MOSMO: variants seen among roughly 807,000 people sequenced by gnomAD.
MOSMO encodes modulator of smoothened.
In MOSMO, 5 loss-of-function variants were observed where a neutral mutation model predicts 18.4. The ratio of observed to expected loss-of-function variants is 0.27; its 90% CI spans 0.14 to 0.57. The LOEUF is 0.57. MOSMO is among the 20% of genes least tolerant of loss of function. The pLI is 0.92. For missense variants in MOSMO, 138 were observed against 211.8 expected (o/e 0.65, Z 2.16); for synonymous variants, 82 against 82.3 (o/e 1.00, Z 0.02).
chr16:22,069,751 G>C (rs150428006), intron 1 of MOSMO, among the ~76,000 whole-genome samples: 1,741 of 152,286 alleles, frequency 0.011, 18 homozygotes, highest in Non-Finnish European at 0.02. Flanking sequence ...TCTGGGAAGT[G>C]AAGGCAGCAG....
chr16:22,011,454 A>T (rs1457206259), intron 1 of MOSMO, among the ~76,000 whole-genome samples: 1 of 152,222 alleles, frequency 6.6e-6, no homozygotes, highest in Non-Finnish European at 1.5e-5. Flanking sequence ...TGTCAGCTGG[A>T]TAAAGAGTGA....
intron 1 of MOSMO, among the ~76,000 whole-genome samples, chr16:22,034,261 A>C (rs1354040872): frequency 2.6e-5 from 4 of 152,364 alleles, no homozygotes; most frequent in Non-Finnish European, 5.9e-5. Context: ...GTTAGGAATA[A>C]GAAAAAGATT....
At chr16:22,070,327 G>A (rs886767151) in intron 1 of MOSMO, among the ~76,000 whole-genome samples, 1 of 152,198 alleles carries the variant, frequency 6.6e-6, no homozygotes, top group Non-Finnish European at 1.5e-5. Context: ...GCATTCCACA[G>A]CCTGAAGGTT....
At chr16:22,076,089 G>T in intron 2 of MOSMO, 1 of 175,542 alleles carries the variant, frequency 5.7e-6, no homozygotes. Context: ...GATGAAGGTG[G>T]AAATATTTTT....
At chr16:22,042,755 A>G (rs559785389) in intron 1 of MOSMO, among the ~76,000 whole-genome samples, 1 of 152,368 alleles carries the variant, frequency 6.6e-6, no homozygotes, top group Non-Finnish European at 1.5e-5. Flanking sequence ...AGTTTTCTCC[A>G]GGCTCGCAAA....
chr16:22,049,609 GCA>G (rs1406230627), intron 1 of MOSMO, among the ~76,000 whole-genome samples: 1 of 151,996 alleles, frequency 6.6e-6, no homozygotes, highest in African/African-American at 2.4e-5. Context: ...CATGTGTATT[GCA>G]CAGAGGTTAT....
rs1901112034 is a variant in MOSMO, at chr16:22,083,103, A to G, written c.*2223A>G. On this transcript the variant is annotated 3_prime_UTR_variant, in exon 3 of 3. Transcript: ENST00000542527. Reference sequence around the variant, plus strand: ...AGTATGGTTCAAATTAACTTATGACATGACCAAGAGCTTTTCTCTTCCAAA... The same window carrying G: ...AGTATGGTTCAAATTAACTTATGACGTGACCAAGAGCTTTTCTCTTCCAAA... The G allele has an allele frequency of 6.6e-6, 1 of 152,408 alleles. No homozygotes were observed. Among genetic ancestry groups the G allele is most frequent in the Non-Finnish European group, 1.5e-5 (1 of 68,062 alleles). The allele number at this position is 152,408 out of a possible 1,614,324, so 9.4% of individuals were successfully genotyped here. A position where few individuals can be genotyped will look rare whatever the true frequency, so the allele number is the denominator to read the frequency against.
chr16:22,059,502 A>G (rs1415491033), intron 1 of MOSMO, among the ~76,000 whole-genome samples: 2 of 152,158 alleles, frequency 1.3e-5, no homozygotes, highest in Non-Finnish European at 2.9e-5. Flanking sequence ...AATACCTGAG[A>G]CTGGGTAATT....
At chr16:22,060,102 A>G (rs1005701467) in intron 1 of MOSMO, among the ~76,000 whole-genome samples, 1 of 152,202 alleles carries the variant, frequency 6.6e-6, no homozygotes, top group Non-Finnish European at 1.5e-5. Flanking sequence ...GCTTGATCCC[A>G]GGAGGCTGGG....
At chr16:22,024,739 G>T (rs900211477) in intron 1 of MOSMO, among the ~76,000 whole-genome samples, 17 of 152,072 alleles carry the variant, frequency 1.1e-4, no homozygotes, top group African/African-American at 4.1e-4. Flanking sequence ...AACCAGAAAA[G>T]GTTTAAGTTT....
At chr16:22,091,710 T>C (rs997860495), downstream of MOSMO, among the ~76,000 whole-genome samples, 18 of 152,126 alleles carry the variant, frequency 1.2e-4, no homozygotes, top group African/African-American at 4.3e-4. Flanking sequence ...CTGATAAAAC[T>C]TACAAGTTTA....
chr16:22,028,835 A>G (rs996929857), intron 1 of MOSMO, among the ~76,000 whole-genome samples: 1 of 152,132 alleles, frequency 6.6e-6, no homozygotes, highest in Non-Finnish European at 1.5e-5. Flanking sequence ...GTATATTGTC[A>G]GAGCATTATT....
intron 1 of MOSMO, among the ~76,000 whole-genome samples, chr16:22,050,685 T>C (rs952300077): frequency 6.6e-6 from 1 of 151,734 alleles, no homozygotes; most frequent in Admixed American, 6.6e-5. Flanking sequence ...AGGCCAGGGG[T>C]TTGAAATCAT....
chr16:22,064,587 CTTAAT>C, intron 1 of MOSMO: 1 of 368,618 alleles, frequency 2.7e-6, no homozygotes, highest in Non-Finnish European at 5.4e-6. Flanking sequence ...TTGGCATACT[CTTAAT>C]TTCTTTTAGA....
intron 1 of MOSMO, chr16:22,064,373 C>T (rs1199178203): frequency 6.6e-6 from 3 of 456,440 alleles, no homozygotes; most frequent in Non-Finnish European, 1.3e-5. Context: ...GTGTACAAAC[C>T]ATGGAGGTTA....
In MOSMO at chr16:22,083,475, C is replaced by T; in HGVS notation, c.*2595C>T. 1 of 299,476 alleles carries T rather than the reference C, an allele frequency of 3.3e-6. No individual in the cohort carries two copies. Among genetic ancestry groups the T allele is most frequent in the South Asian group, 2.9e-5 (1 of 33,940 alleles). 18.6% of individuals were successfully genotyped at this position (299,476 alleles called of 1,614,324 possible). The stretch of plus-strand genomic sequence containing the variant: ...TGCAGACCAGACATTGAAATGGATT[C>T]ATTCATATAGATTTCTATAAATCCT... On this transcript the variant is annotated 3_prime_UTR_variant, in exon 3 of 3. Transcript: ENST00000542527.
chr16:22,026,965 G>A (rs1165350289), intron 1 of MOSMO, among the ~76,000 whole-genome samples: 2 of 152,072 alleles, frequency 1.3e-5, no homozygotes, highest in Non-Finnish European at 2.9e-5. Context: ...TGAATTAACA[G>A]AATCAAAGTG....
chr16:22,080,027 G>A (rs776073611), intron 2 of MOSMO, among the ~76,000 whole-genome samples: 7 of 152,128 alleles, frequency 4.6e-5, no homozygotes, highest in Non-Finnish European at 2.9e-5. Context: ...CAGGTTATCC[G>A]CCCGCCTCGG....
Position 22,082,770 on chromosome 16 carries a change from G to A in MOSMO, c.*1890G>A, listed in dbSNP as rs1161183384. ...TTTTATTGTGAAAGAAAACCCCAGTGTTTGAGCTCACTCAGGAATTGGGGA... is the reference window on the plus strand; with the variant it reads ...TTTTATTGTGAAAGAAAACCCCAGTATTTGAGCTCACTCAGGAATTGGGGA... On this transcript the variant is annotated 3_prime_UTR_variant, in exon 3 of 3. Coordinates refer to ENST00000542527, the MANE Select transcript of MOSMO (RefSeq NM_001164579.2). 6.6e-6 allele frequency: 1 copy of A among 152,200 alleles called. No individual in the cohort carries two copies. The highest frequency in any genetic ancestry group is 2.4e-5 in the African/African-American group (1 of 41,448). The allele number at this position is 152,200 out of a possible 1,614,324, so 9.4% of individuals were successfully genotyped here.
Sources: gnomAD v4.1 joint callset for allele counts (sites outside exome capture counted in the v4.1 genomes callset) on GRCh38, gnomAD v4.1.1 for gene constraint, MANE v1.5 for transcripts, NCBI Gene and HGNC (gene_info 2026-07-23, HGNC 2026-07-21) for gene names.